The following SCN11A variants were observed in gnomAD, a reference collection of about 807,000 sequenced individuals.
The protein encoded by SCN11A is sodium channel protein type 11 subunit alpha.
SCN11A carries 122 observed loss-of-function variants against 162.2 expected under a neutral mutation model. The ratio of observed to expected loss-of-function variants is 0.75; its 90% CI spans 0.65 to 0.87. The LOEUF (loss-of-function observed/expected upper bound fraction) is 0.87. Ranked by LOEUF, SCN11A falls within the 40% of genes least tolerant of loss-of-function variation. The probability of loss-of-function intolerance (pLI) is 0.00; values close to 1 mark genes in which losing one functional copy is unlikely to be tolerated. For missense variants in SCN11A, 2,015 were observed against 2,181.6 expected (o/e 0.92, Z 1.52); for synonymous variants, 758 against 751.5 (o/e 1.01, Z -0.14).
At chr3:38,862,809 A>G (rs189704101) in intron 28 of SCN11A, among the ~76,000 whole-genome samples, 1 of 152,158 alleles carries the variant, frequency 6.6e-6, no homozygotes, top group African/African-American at 2.4e-5. Flanking sequence ...CTTGGGTGAC[A>G]GGTGCACCAA....
At chr3:38,861,902 A>G (rs575168792) in intron 28 of SCN11A, among the ~76,000 whole-genome samples, 1 of 152,336 alleles carries the variant, frequency 6.6e-6, no homozygotes, top group Admixed American at 6.5e-5. Flanking sequence ...ACCTAATTAA[A>G]CTAAAAATCT....
intron 2 of SCN11A, among the ~76,000 whole-genome samples, chr3:38,978,969 C>T (rs73828784): frequency 0.028 from 4,214 of 152,272 alleles, 196 homozygotes; most frequent in African/African-American, 0.096. Context: ...AGGTCAGCCT[C>T]GGGAAACCTT....
intron 1 of SCN11A, among the ~76,000 whole-genome samples, chr3:39,048,824 A>C (rs1444793148): frequency 6.6e-6 from 1 of 152,240 alleles, no homozygotes; most frequent in African/African-American, 2.4e-5. Context: ...CTTGGAACCC[A>C]GTTAGCATAT....
At chr3:38,971,497 G>A (rs1440552356) in intron 2 of SCN11A, among the ~76,000 whole-genome samples, 4 of 152,080 alleles carry the variant, frequency 2.6e-5, no homozygotes, top group African/African-American at 4.8e-5. Flanking sequence ...CATCTCCCCC[G>A]CACTCATGCC....
At chr3:38,877,021 GTATATATATGGTA>G (rs1227865301) in intron 23 of SCN11A, among the ~76,000 whole-genome samples, 16 of 95,444 alleles carry the variant, frequency 1.7e-4, no homozygotes, top group African/African-American at 7.3e-4. Context: ...GACATATGGT[GTATATATATGGTA>G]TATATATGGT....
intron 27 of SCN11A, among the ~76,000 whole-genome samples, chr3:38,864,454 T>C (rs1442205238): frequency 6.6e-6 from 1 of 152,076 alleles, no homozygotes; most frequent in African/African-American, 2.4e-5. Context: ...ATAAAGAAAA[T>C]GAGTAATTGT....
At chr3:39,031,304 T>G (rs998118015) in intron 2 of SCN11A, among the ~76,000 whole-genome samples, 6 of 152,198 alleles carry the variant, frequency 3.9e-5, no homozygotes, top group African/African-American at 1.4e-4. Flanking sequence ...AGCAGGAGGA[T>G]CACTTGAGGT....
At chr3:38,985,088 T>C (rs2030186404) in intron 2 of SCN11A, among the ~76,000 whole-genome samples, 1 of 149,742 alleles carries the variant, frequency 6.7e-6, no homozygotes, top group Non-Finnish European at 1.5e-5. Context: ...GAGGATGACA[T>C]ATTCGGATTT....
chr3:38,883,006 G>A (rs2065334881), intron 22 of SCN11A, among the ~76,000 whole-genome samples: 1 of 152,108 alleles, frequency 6.6e-6, no homozygotes, highest in African/African-American at 2.4e-5. Context: ...TTAAAGTGCT[G>A]GTTTTAGTTA....
chr3:39,006,831 T>A (rs940791627), intron 2 of SCN11A, among the ~76,000 whole-genome samples: 2 of 151,468 alleles, frequency 1.3e-5, no homozygotes, highest in African/African-American at 4.9e-5. Context: ...CAAACCTAAA[T>A]AAACAAACAG....
intron 19 of SCN11A, among the ~76,000 whole-genome samples, chr3:38,888,197 C>T (rs1213188066): frequency 2.0e-5 from 3 of 152,138 alleles, no homozygotes; most frequent in Non-Finnish European, 2.9e-5. Context: ...AAGCTGCATA[C>T]GTAGGGAGAC....
At chr3:38,916,042 T>C (rs1160502758) in intron 11 of SCN11A, among the ~76,000 whole-genome samples, 1 of 152,202 alleles carries the variant, frequency 6.6e-6, no homozygotes, top group Non-Finnish European at 1.5e-5. Context: ...ATTGAACATT[T>C]TACCATTATG....
intron 7 of SCN11A, among the ~76,000 whole-genome samples, chr3:38,943,550 C>A (rs2066471244): frequency 6.6e-6 from 1 of 152,018 alleles, no homozygotes; most frequent in Non-Finnish European, 1.5e-5. Context: ...AAATATAGAA[C>A]TTTTAAGTTA....
At chr3:38,995,221 C>T (rs1260079823) in intron 2 of SCN11A, among the ~76,000 whole-genome samples, 1 of 151,698 alleles carries the variant, frequency 6.6e-6, no homozygotes. Context: ...CCCGGGTTCA[C>T]GCCATTCTCC....
chr3:38,918,325 T>G (rs1200738364), intron 11 of SCN11A, among the ~76,000 whole-genome samples: 1 of 152,162 alleles, frequency 6.6e-6, no homozygotes, highest in Non-Finnish European at 1.5e-5. Context: ...CATGGCCTGC[T>G]AGGAACTAGG....
chr3:38,915,273 T>C (rs1270665768), intron 11 of SCN11A, among the ~76,000 whole-genome samples: 1 of 152,112 alleles, frequency 6.6e-6, no homozygotes, highest in African/African-American at 2.4e-5. Context: ...ATGGTTATTT[T>C]TATTTCTGTG....
chr3:38,858,187 T>C (rs1266071253), intron 28 of SCN11A, among the ~76,000 whole-genome samples: 1 of 152,090 alleles, frequency 6.6e-6, no homozygotes, highest in African/African-American at 2.4e-5. Context: ...AATACTAACG[T>C]AGAATGTAAA....
intron 19 of SCN11A, among the ~76,000 whole-genome samples, chr3:38,892,524 G>A (rs891553130): frequency 6.6e-6 from 1 of 152,048 alleles, no homozygotes; most frequent in Non-Finnish European, 1.5e-5. Flanking sequence ...ACACCTGCAG[G>A]TAACTCACAG....
rs756278178 is a variant in SCN11A at position 38,867,330 on chromosome 3, C to T, written c.3942G>A (p.Gln1314=). The T allele has an allele frequency of 5.0e-6, 8 of 1,611,730 alleles. No homozygotes were observed. Among genetic ancestry groups the T allele is most frequent in the Non-Finnish European group, 5.9e-6 (7 of 1,179,320 alleles). Residue 1314 remains glutamine (Q), a synonymous_variant, in exon 27 of 30, where the codon CAG becomes CAA. Coordinates refer to ENST00000302328, the MANE Select transcript of SCN11A (RefSeq NM_001349253.2). The stretch of plus-strand genomic sequence containing the variant: ...CAACCCAGATACTTATCTTTTTCTG[C>T]TGTTGGTTGAAGTTGTCAATGATAA... ...IGVIIDNFNQ[Q]QKKLGGQDIF... is the part of the protein sequence containing the mutation.
Sources: allele counts gnomAD v4.1 joint callset (sites outside exome capture counted in the v4.1 genomes callset), GRCh38; gene constraint gnomAD v4.1.1; transcripts MANE v1.5; gene names NCBI Gene and HGNC (gene_info 2026-07-23, HGNC 2026-07-21).